TTC13: variants seen among roughly 807,000 people sequenced by gnomAD.
TTC13 encodes tetratricopeptide repeat protein 13.
Under a neutral mutation model 120.0 loss-of-function variants are expected in TTC13, and 62 were observed. The observed-to-expected ratio is 0.52, with a 90% CI of 0.42 to 0.64. TTC13 has a LOEUF of 0.64. TTC13 is among the 30% of genes least tolerant of loss of function. The pLI is 0.00. For synonymous variants in TTC13, 384 were observed against 393.5 expected (o/e 0.98, Z 0.28); for missense variants, 824 against 1,050.2 (o/e 0.78, Z 2.98).
intron 4 of TTC13, among the ~76,000 whole-genome samples, chr1:230,945,724 G>A (rs181631196): frequency 6.6e-6 from 1 of 152,226 alleles, no homozygotes; most frequent in East Asian, 1.9e-4. Flanking sequence ...TCTTTCACAG[G>A]GTCATCTTAT....
rs192726142 is a variant in TTC13 at position 230,912,724 on chromosome 1, T to C, written c.2128A>G (p.Thr710Ala). Residue 710 changes from threonine to alanine, a missense_variant, in exon 19 of 23, where the codon ACC becomes GCC. Around this residue, in one of 4 missense-constraint regions of TTC13, gnomAD observed 226 missense variants for 259.1 expected, o/e 0.87. Transcript: ENST00000366661. Reference protein sequence around the residue: ...GNILFSVETQTTEERTQLYHA... With the variant: ...GNILFSVETQATEERTQLYHA... ...TATAATTGTGTCCTTTCTTCCGTGGTTTGAGTTTCCACAGAAAATAATATA... is the reference window on the plus strand; with the variant it reads ...TATAATTGTGTCCTTTCTTCCGTGGCTTGAGTTTCCACAGAAAATAATATA... 6.2e-7 allele frequency: 1 copy of C among 1,612,292 alleles called. No individual in the cohort carries two copies. Among genetic ancestry groups the C allele is most frequent in the Admixed American group, 1.7e-5 (1 of 59,774 alleles).
At chr1:230,959,516 G>A (rs1490670234) in intron 2 of TTC13, among the ~76,000 whole-genome samples, 1 of 152,160 alleles carries the variant, frequency 6.6e-6, no homozygotes, top group Admixed American at 6.5e-5. Context: ...CAAGTAGCTG[G>A]GATTACAGGC....
Position 230,906,424 on chromosome 1 carries a change from T to C in TTC13, c.*481A>G, listed in dbSNP as rs895236277. The C allele has an allele frequency of 1.3e-5, 2 of 152,276 alleles. No individual in the cohort carries two copies. Among genetic ancestry groups the C allele is most frequent in the African/African-American group, 4.8e-5 (2 of 41,446 alleles). The allele number at this position is 152,276 out of a possible 1,614,324, so 9.4% of individuals were successfully genotyped here. A position where few individuals can be genotyped will look rare whatever the true frequency, so the allele number is the denominator to read the frequency against. ...ACATACTGATGGCCCAGGAACCTTCTTCCATGGTTCTAATAAAACAAAGGA... is the reference window on the plus strand; with the variant it reads ...ACATACTGATGGCCCAGGAACCTTCCTCCATGGTTCTAATAAAACAAAGGA... On this transcript the variant is annotated 3_prime_UTR_variant, in exon 23 of 23. Transcript: ENST00000366661.
At chr1:230,910,361 G>C (rs1185607010) in intron 20 of TTC13, among the ~76,000 whole-genome samples, 1 of 152,190 alleles carries the variant, frequency 6.6e-6, no homozygotes, top group Non-Finnish European at 1.5e-5. Context: ...ACCAGGGCAG[G>C]GCAGGGCTAG....
intron 3 of TTC13, among the ~76,000 whole-genome samples, chr1:230,957,313 A>G (rs1314967347): frequency 6.6e-6 from 1 of 152,144 alleles, no homozygotes; most frequent in Non-Finnish European, 1.5e-5. Context: ...GGTGGTGTGC[A>G]CCTGTAATCC....
chr1:230,923,731 T>C (rs1404144776), intron 15 of TTC13, 110 bp downstream of exon 15: 3 of 849,730 alleles, frequency 3.5e-6, no homozygotes, highest in Non-Finnish European at 5.7e-6. Flanking sequence ...GTATGTTCCC[T>C]GGTCAAAAAG....
At chr1:230,965,471 C>T (rs1266295926) in intron 1 of TTC13, among the ~76,000 whole-genome samples, 1 of 152,160 alleles carries the variant, frequency 6.6e-6, no homozygotes. Flanking sequence ...CAGATAATAA[C>T]AAATGCTGGT....
intron 3 of TTC13, 72 bp downstream of exon 3, chr1:230,958,152 G>A: frequency 6.6e-7 from 1 of 1,505,178 alleles, no homozygotes; most frequent in Non-Finnish European, 9.2e-7. Flanking sequence ...TTACCATCCT[G>A]TCTTCCTGCT....
chr1:230,948,670 G>C (rs1675245273), intron 4 of TTC13, among the ~76,000 whole-genome samples: 1 of 151,856 alleles, frequency 6.6e-6, no homozygotes, highest in Non-Finnish European at 1.5e-5. Flanking sequence ...AAATTTTTTT[G>C]TTGAGATGGG....
chr1:230,927,499 T>C (rs1375064133), intron 12 of TTC13, among the ~76,000 whole-genome samples: 1 of 152,232 alleles, frequency 6.6e-6, no homozygotes, highest in African/African-American at 2.4e-5. Context: ...ATGTTTTCCC[T>C]GTGGTAAAAT....
chr1:230,954,381 G>A lies in TTC13; in HGVS notation c.465C>T (p.Gly155=). Residue 155 remains glycine (G), a synonymous_variant, in exon 4 of 23, where the codon GGC becomes GGT. Coordinates refer to ENST00000366661, the MANE Select transcript of TTC13 (RefSeq NM_024525.5). ...GTATTGCTTCATCATACAGACCACT[G>A]CCAATCAAGACATAAGCAATAGCTA... ...EELAIAYVLI[G]SGLYDEAIRH... The A allele has an allele frequency of 6.2e-7, 1 of 1,611,276 alleles. No individual in the cohort carries two copies. Among genetic ancestry groups the A allele is most frequent in the Non-Finnish European group, 8.5e-7 (1 of 1,178,464 alleles).
intron 1 of TTC13, among the ~76,000 whole-genome samples, chr1:230,970,953 A>G (rs1053519646): frequency 6.6e-5 from 10 of 152,228 alleles, no homozygotes; most frequent in African/African-American, 2.4e-4. Flanking sequence ...CGAAGAGAAG[A>G]CAGAATTCTT....
rs1237257636 is a variant in TTC13, at chr1:230,912,662, T to C, written c.2190A>G (p.Thr730=). The stretch of plus-strand genomic sequence containing the variant: ...AAAGAATCAATACTTTTCCTTTTGC[T>C]GTCAAATCTTTATAAAGTGCATCTA... The part of the protein sequence containing the change: ...AEIDALYKDL[T]AKGKVLILSS... The change falls in exon 19 of 23, where the codon ACA becomes ACG. Residue 730 remains threonine (T), a synonymous_variant. Transcript: ENST00000366661. The C allele has an allele frequency of 2.5e-6, 4 of 1,612,570 alleles. 1 individual carries two copies. In the South Asian group the frequency reaches 4.4e-5, roughly 18 times the overall value.
chr1:230,918,850 T>A lies in TTC13; in HGVS notation c.1983+1660A>T, dbSNP rs368580908. 7.2e-5 allele frequency among the ~76,000 whole-genome samples: 11 copies of A among 152,312 alleles called. 1 individual carries two copies. Among genetic ancestry groups the A allele is most frequent in the African/African-American group, 2.4e-4 (10 of 41,558 alleles). Reference sequence around the variant, plus strand: ...TACACTTTGCTTATTCATACAAATTTCCTAAATTTTACATGAATCAATCTC... The same window carrying A: ...TACACTTTGCTTATTCATACAAATTACCTAAATTTTACATGAATCAATCTC... On this transcript the variant is annotated intron_variant, in intron 17 of 22. Coordinates refer to ENST00000366661, the MANE Select transcript of TTC13 (RefSeq NM_024525.5).
rs6694675 is a variant in TTC13, at chr1:230,919,810, G to A, written c.1983+700C>T. Among the ~76,000 whole-genome samples, 391 of 152,288 alleles carry A rather than the reference G, an allele frequency of 2.6e-3. 3 individuals carry two copies. Among genetic ancestry groups the A allele is most frequent in the Middle Eastern group, 0.017 (5 of 294 alleles). On this transcript the variant is annotated intron_variant, in intron 17 of 22. Transcript: ENST00000366661. ...AGGATCCATCCACATTGGCAAGGCC[G>A]AAACTCCAATGTCTCTCAGCACATA...
Position 230,922,574 on chromosome 1 carries a change from T to TA in TTC13, c.1815-1071dup, listed in dbSNP as rs1304855961. ...CTATCTTTCTAGCCTTAATTCCTGA[T>TA]ACTCCCTTAATTGCAAACTCACCAC... On this transcript the variant is annotated intron_variant, in intron 15 of 22. Coordinates refer to ENST00000366661, the MANE Select transcript of TTC13 (RefSeq NM_024525.5). Among the ~76,000 whole-genome samples, 17 of 152,332 alleles carry TA rather than the reference T, an allele frequency of 1.1e-4. No homozygotes were observed. The East Asian group carries it at 3.3e-3, about 29-fold the overall frequency.
rs1672013927 is a variant in TTC13, at chr1:230,916,212, T to C, written c.2074A>G (p.Ile692Val). Residue 692 changes from isoleucine (I) to valine (V), a missense_variant, in exon 18 of 23, where the codon ATC (isoleucine) becomes GTC (valine). Ile to Val is a conservative substitution (Grantham distance 29, BLOSUM62 3). Around this residue, in one of 4 missense-constraint regions of TTC13, gnomAD observed 226 missense variants for 259.1 expected, o/e 0.87. Transcript: ENST00000366661. ...DQGKEYDGFT[I>V]TITGDKVGNI... ...ACATACTTGTCTCCTGTAATCGTGA[T>C]TGTGAATCCATCATATTCCTTCCCT... is the stretch of plus-strand genomic sequence containing the variant. 15 of 1,613,614 alleles carry C rather than the reference T, an allele frequency of 9.3e-6. No individual in the cohort carries two copies. The highest frequency in any genetic ancestry group is 1.2e-5 in the Non-Finnish European group (14 of 1,179,590).
rs916731360 is a variant in TTC13, at chr1:230,942,070, C to T, written c.673-1514G>A. ...GCCAGAAAAACAGAATATTATTATA[C>T]ATTTTTAAGACAATTAAAAATTATT... On this transcript the variant is annotated intron_variant, in intron 6 of 22. Coordinates refer to ENST00000366661, the MANE Select transcript of TTC13 (RefSeq NM_024525.5). This position sits in a 1 kb window ranked among gnomAD's most constrained non-coding sequence, Gnocchi z 4.0. Among the ~76,000 whole-genome samples the T allele has an allele frequency of 6.6e-6, 1 of 152,092 alleles. No individual in the cohort carries two copies. Among genetic ancestry groups the T allele is most frequent in the African/African-American group, 2.4e-5 (1 of 41,422 alleles).
intron 15 of TTC13, 93 bp from the exon 16 acceptor site, chr1:230,921,597 A>G: frequency 1.5e-6 from 1 of 688,454 alleles, no homozygotes; most frequent in African/African-American, 1.9e-5. Flanking sequence ...AAAAAATAAG[A>G]AACTATGAGA....
Sources: gnomAD v4.1 joint callset for allele counts (sites outside exome capture counted in the v4.1 genomes callset) on GRCh38, gnomAD v4.1.1 for gene constraint, gnomAD v4.1.1 regional missense constraint, Gnocchi (gnomAD v3.1) non-coding constraint, MANE v1.5 for transcripts, NCBI Gene and HGNC (gene_info 2026-07-23, HGNC 2026-07-21) for gene names.